Variants in ANKS1B observed in about 807,000 individuals in gnomAD.
ANKS1B encodes ankyrin repeat and sterile alpha motif domain containing 1B, also known as ankyrin repeat and sterile alpha motif domain-containing protein 1B.
In ANKS1B, 36 loss-of-function variants were observed where a neutral mutation model predicts 148.3. The observed-to-expected ratio is 0.24, with a 90% confidence interval of 0.19 to 0.32. The LOEUF (loss-of-function observed/expected upper bound fraction) is 0.32, where lower values mean the gene tolerates loss of function less well. Ranked by LOEUF, ANKS1B falls within the 10% of genes least tolerant of loss-of-function variation. The pLI is 1.00. For synonymous variants in ANKS1B, 542 were observed against 560.8 expected (o/e 0.97, Z 0.47); for missense variants, 1,157 against 1,542.6 (o/e 0.75, Z 4.19).
rs1279441313 is a variant in ANKS1B, at chr12:99,256,361, T to C, written c.1757-9497A>G. Among the ~76,000 whole-genome samples, 6 of 152,324 alleles carry C rather than the reference T, an allele frequency of 3.9e-5. No individual in the cohort carries two copies. The South Asian group carries it at 1.2e-3, about 32-fold the overall frequency. ...GAGCATTTTACATTCAATTACTTCT[T>C]CTATAATAAATATTGTTGTCAGTGT... On this transcript the variant is annotated intron_variant, in intron 12 of 26. Transcript: ENST00000683438.
intron 1 of ANKS1B, among the ~76,000 whole-genome samples, chr12:99,908,996 TC>T (rs2093897956): frequency 6.6e-6 from 1 of 152,078 alleles, no homozygotes; most frequent in African/African-American, 2.4e-5. Context: ...GACATACATC[TC>T]CCCATTCCTG....
intron 1 of ANKS1B, among the ~76,000 whole-genome samples, chr12:99,965,517 T>C (rs1168414919): frequency 1.3e-5 from 2 of 152,194 alleles, no homozygotes; most frequent in Admixed American, 6.5e-5. Context: ...ACCACCATCA[T>C]AAGCAAGTGA....
chr12:99,536,421 ATGTATTTTTCTACAATCAAATT>A (rs2097067486), intron 9 of ANKS1B, among the ~76,000 whole-genome samples: 1 of 152,162 alleles, frequency 6.6e-6, no homozygotes, highest in East Asian at 1.9e-4. Context: ...AAACAAAACT[ATGTATTTTTCTACAATCAAATT>A]TCTTCACAGC....
At chr12:99,900,534 T>C (rs1419009095) in intron 1 of ANKS1B, among the ~76,000 whole-genome samples, 2 of 148,428 alleles carry the variant, frequency 1.3e-5, no homozygotes, top group Admixed American at 1.4e-4. Flanking sequence ...AAAAACTATG[T>C]GAAGTAGCTC....
intron 17 of ANKS1B, among the ~76,000 whole-genome samples, chr12:98,853,411 G>A (rs2099542985): frequency 6.6e-6 from 1 of 152,194 alleles, no homozygotes; most frequent in East Asian, 1.9e-4. Context: ...CCCATGGAGA[G>A]CGTGATGATG....
At chr12:99,414,975 C>A (rs2094848444) in intron 11 of ANKS1B, among the ~76,000 whole-genome samples, 1 of 152,130 alleles carries the variant, frequency 6.6e-6, no homozygotes, top group African/African-American at 2.4e-5. Flanking sequence ...GAGTTAGTTT[C>A]TTCATACAAT....
intron 9 of ANKS1B, chr12:99,648,287 C>T: frequency 1.9e-6 from 3 of 1,614,168 alleles, no homozygotes; most frequent in South Asian, 1.1e-5. Context: ...GGCGAGTATA[C>T]TATATTCAGG....
At chr12:99,003,149 C>T (rs1482648539) in intron 17 of ANKS1B, among the ~76,000 whole-genome samples, 3 of 152,144 alleles carry the variant, frequency 2.0e-5, no homozygotes, top group East Asian at 3.9e-4. Context: ...ATCATATATA[C>T]GTGGGTCTAT....
At chr12:99,386,550 T>C (rs1454256800) in intron 12 of ANKS1B, among the ~76,000 whole-genome samples, 1 of 152,036 alleles carries the variant, frequency 6.6e-6, no homozygotes, top group Non-Finnish European at 1.5e-5. Context: ...ATCACTCAAG[T>C]TTTTACTGTT....
At chr12:99,556,219 G>A (rs974374899) in intron 9 of ANKS1B, among the ~76,000 whole-genome samples, 4 of 152,190 alleles carry the variant, frequency 2.6e-5, no homozygotes, top group African/African-American at 9.7e-5. Flanking sequence ...TGTGTATGCA[G>A]AGGTGTTGAT....
intron 9 of ANKS1B, among the ~76,000 whole-genome samples, chr12:99,533,214 T>TTG (rs1159605854): frequency 6.6e-6 from 1 of 152,220 alleles, no homozygotes; most frequent in Admixed American, 6.5e-5. Context: ...CATTGGTGTT[T>TTG]TGTAGTTCTC....
In ANKS1B at chr12:99,806,399, C is replaced by G; in HGVS notation, c.669+5G>C. 6.2e-7 allele frequency: 1 copy of G among 1,613,284 alleles called. No homozygotes were observed. The highest frequency in any genetic ancestry group is 1.1e-5 in the South Asian group (1 of 91,058). Reference sequence around the variant, plus strand: ...CTTTTAAAGCATAGCTAAAAGCACACTCACTTGACAGCTCACATCCATTCC... The same window carrying G: ...CTTTTAAAGCATAGCTAAAAGCACAGTCACTTGACAGCTCACATCCATTCC... On this transcript the variant is annotated splice_donor_5th_base_variant and intron_variant, in intron 4 of 26. Transcript: ENST00000683438.
chr12:99,077,886 C>G (rs546294674), intron 16 of ANKS1B, among the ~76,000 whole-genome samples: 1 of 152,308 alleles, frequency 6.6e-6, no homozygotes, highest in East Asian at 1.9e-4. Context: ...GTGATCTCAT[C>G]ATATTAAGAC....
At chr12:99,703,032 C>T (rs1003435140) in intron 8 of ANKS1B, among the ~76,000 whole-genome samples, 10 of 152,062 alleles carry the variant, frequency 6.6e-5, no homozygotes, top group Admixed American at 2.6e-4. Flanking sequence ...ATTTAGATTT[C>T]ATTCTCTTTC....
At position 99,340,862 on chromosome 12, in the gene ANKS1B, T is replaced by C. The variant is rs1055150478; in HGVS notation, c.1756+58769A>G. Among the ~76,000 whole-genome samples the C allele has an allele frequency of 5.3e-5, 8 of 152,092 alleles. No homozygotes were observed. The South Asian group carries it at 1.4e-3, about 28-fold the overall frequency. Reference sequence around the variant, plus strand: ...ATAATATGTGTTTACTTCTGAGAAATAATAAAATACAGATAAGCATAAAGG... The same window carrying C: ...ATAATATGTGTTTACTTCTGAGAAACAATAAAATACAGATAAGCATAAAGG... On this transcript the variant is annotated intron_variant, in intron 12 of 26. Coordinates refer to ENST00000683438, the MANE Select transcript of ANKS1B (RefSeq NM_001352186.2).
At chr12:99,213,054 T>C (rs2083575089) in intron 14 of ANKS1B, among the ~76,000 whole-genome samples, 1 of 152,228 alleles carries the variant, frequency 6.6e-6, no homozygotes, top group African/African-American at 2.4e-5. Context: ...CCCACATTCC[T>C]TCTTTGAATT....
chr12:99,040,863 G>A (rs1319122192), intron 17 of ANKS1B, among the ~76,000 whole-genome samples: 1 of 152,206 alleles, frequency 6.6e-6, no homozygotes, highest in Non-Finnish European at 1.5e-5. Context: ...TGATGGGGCT[G>A]ATTGTGGTTA....
intron 12 of ANKS1B, among the ~76,000 whole-genome samples, chr12:99,319,732 G>A (rs559027202): frequency 1.3e-5 from 2 of 152,250 alleles, no homozygotes; most frequent in African/African-American, 2.4e-5. Context: ...ATGTTAGCTG[G>A]TTATTTTGCT....
intron 26 of ANKS1B, among the ~76,000 whole-genome samples, chr12:98,746,372 C>T (rs900416264): frequency 6.6e-6 from 1 of 152,154 alleles, no homozygotes; most frequent in African/African-American, 2.4e-5. Context: ...ACGCCCAGGG[C>T]CTCTGCGCTC....
Sources: gnomAD v4.1 joint callset for allele counts (sites outside exome capture counted in the v4.1 genomes callset) on GRCh38, gnomAD v4.1.1 for gene constraint, MANE v1.5 for transcripts, NCBI Gene and HGNC (gene_info 2026-07-23, HGNC 2026-07-21) for gene names.